Variants in PAX6 observed in about 807,000 individuals in gnomAD.
PAX6 encodes the protein paired box 6, also known as paired box protein Pax-6.
A neutral mutation model predicts 60.7 loss-of-function variants in PAX6; 7 were observed. The observed-to-expected ratio is 0.12, with a 90% CI of 0.07 to 0.22. PAX6 has a LOEUF of 0.22. PAX6 is among the 10% of genes least tolerant of loss of function. The pLI is 1.00. For synonymous variants in PAX6, 208 were observed against 201.2 expected (o/e 1.03, Z -0.29); for missense variants, 355 against 555.2 (o/e 0.64, Z 3.62).
intron 8 of PAX6, among the ~76,000 whole-genome samples, chr11:31,797,983 T>TGAGA (rs10694272): frequency 0.75 from 110,518 of 148,218 alleles, 41,437 homozygotes; most frequent in Middle Eastern, 0.83. Flanking sequence ...TGGAAGGAGG[T>TGAGA]GAGAGAGAGA....
chr11:31,816,819 T>TG (rs1217164041), intron 1 of PAX6, among the ~76,000 whole-genome samples: 2 of 152,106 alleles, frequency 1.3e-5, no homozygotes, highest in Admixed American at 1.3e-4. Context: ...GAGTGGGGGT[T>TG]GGGGGCTAGC....
intron 9 of PAX6, 92 bp downstream of exon 9, chr11:31,794,538 T>C: frequency 7.7e-7 from 1 of 1,290,562 alleles, no homozygotes; most frequent in Non-Finnish European, 1.1e-6. Context: ...CATTCTTCTA[T>C]GCAAAGGGCC....
In PAX6 at chr11:31,793,564, G is replaced by A; in HGVS notation, c.959-11C>T. On this transcript the variant is annotated splice_polypyrimidine_tract_variant and intron_variant, in intron 11 of 13. Transcript: ENST00000640368. ...ATGTGAAGGAGGAAACTGAGGGCAA[G>A]AGAAATGACAGTAGTCAGAGTGAGA... 1 of 1,613,972 alleles carries A rather than the reference G, an allele frequency of 6.2e-7. No homozygotes were observed. Among genetic ancestry groups the A allele is most frequent in the Non-Finnish European group, 8.5e-7 (1 of 1,179,780 alleles).
intron 8 of PAX6, among the ~76,000 whole-genome samples, chr11:31,797,983 TGAGAGAGAGA>T (rs10694272): frequency 6.7e-6 from 1 of 148,192 alleles, no homozygotes; most frequent in Non-Finnish European, 1.5e-5. Context: ...TGGAAGGAGG[TGAGAGAGAGA>T]GAGAGAGAGA....
At chr11:31,799,900 A>G (rs901538477) in intron 8 of PAX6, among the ~76,000 whole-genome samples, 1 of 151,826 alleles carries the variant, frequency 6.6e-6, no homozygotes, top group African/African-American at 2.4e-5. Context: ...TGACCAAGCT[A>G]CCTCGGGGTG....
chr11:31,816,358 GA>G (rs1319908625), intron 1 of PAX6: 1 of 562,656 alleles, frequency 1.8e-6, no homozygotes. Flanking sequence ...CTCCGATCAC[GA>G]AGGGCACGGG....
rs3026375 is a variant in PAX6, at chr11:31,801,547, C to T, written c.399+14G>A. On this transcript the variant is annotated intron_variant, in intron 7 of 13. Coordinates refer to ENST00000640368, the MANE Select transcript of PAX6 (RefSeq NM_001368894.2). Reference sequence around the variant, plus strand: ...GCTTAGGGCAGGGAGGGCAGATGTTCTCAATGAACTTACGCTTGGTATGTT... The same window carrying T: ...GCTTAGGGCAGGGAGGGCAGATGTTTTCAATGAACTTACGCTTGGTATGTT... 1.9e-6 allele frequency: 3 copies of T among 1,614,124 alleles called. No homozygotes were observed. The highest frequency in any genetic ancestry group is 1.7e-6 in the Non-Finnish European group (2 of 1,180,036).
intron 7 of PAX6, chr11:31,801,159 T>A: frequency 8.9e-7 from 1 of 1,127,736 alleles, no homozygotes; most frequent in Non-Finnish European, 1.2e-6. Flanking sequence ...AAATAAAAAC[T>A]ATTTAGACTT....
intron 5 of PAX6, 195 bp downstream of exon 5, chr11:31,802,509 T>C (rs747344918): frequency 8.2e-5 from 46 of 563,004 alleles, no homozygotes; most frequent in Non-Finnish European, 1.4e-4. Context: ...TGACCCAGGT[T>C]GAAAGAGATA....
At chr11:31,813,091 T>C (rs1957199111), upstream of PAX6, 1 of 151,876 alleles carries the variant, frequency 6.6e-6, no homozygotes, top group Non-Finnish European at 1.5e-5. Flanking sequence ...CTCCCCGGGC[T>C]GGGGAGGGCT....
At chr11:31,802,054 T>C (rs1954093863) in intron 5 of PAX6, 142 bp from the exon 6 acceptor site, 1 of 740,770 alleles carries the variant, frequency 1.3e-6, no homozygotes, top group East Asian at 2.7e-5. Context: ...ATTTAAAAGC[T>C]TTTTTTAAAA....
chr11:31,810,493 G>T, intron 2 of PAX6: 1 of 183,888 alleles, frequency 5.4e-6, no homozygotes. Flanking sequence ...ATTGGGCGAC[G>T]CTGGGGCTAG....
chr11:31,794,474 A>G, intron 9 of PAX6, 156 bp downstream of exon 9: 1 of 472,616 alleles, frequency 2.1e-6, no homozygotes, highest in Non-Finnish European at 3.8e-6. Context: ...ACACACACAC[A>G]CACACTGAAA....
chr11:31,812,766 G>A (rs903976940), upstream of PAX6: 4 of 152,570 alleles, frequency 2.6e-5, no homozygotes, highest in East Asian at 5.8e-4. Context: ...AGCTGAGGCA[G>A]GGAGGCTGAA....
chr11:31,789,521 T>C lies in PAX6; in HGVS notation c.*413A>G. 2 of 595,550 alleles carry C rather than the reference T, an allele frequency of 3.4e-6. No individual in the cohort carries two copies. Among genetic ancestry groups the C allele is most frequent in the Non-Finnish European group, 5.9e-6 (2 of 339,304 alleles). 36.9% of individuals were successfully genotyped at this position (595,550 alleles called of 1,614,324 possible). ...AACAGATGGGTAGAAGTATTCGATA[T>C]ATCTTGATAAAACTCTTAAATTCGT... On this transcript the variant is annotated 3_prime_UTR_variant, in exon 14 of 14. Transcript: ENST00000640368.
At chr11:31,793,189 T>A (rs1288358803) in intron 12 of PAX6, 2 of 662,910 alleles carry the variant, frequency 3.0e-6, no homozygotes, top group African/African-American at 1.8e-5. Context: ...GGTAACAGTA[T>A]AATAAAAGGC....
In PAX6 at chr11:31,789,789, G is replaced by T; in HGVS notation, c.*145C>A. The T allele has an allele frequency of 1.3e-6, 1 of 761,750 alleles. No homozygotes were observed. The highest frequency in any genetic ancestry group is 2.3e-6 in the Non-Finnish European group (1 of 430,554). The allele number at this position is 761,750 out of a possible 1,614,324, so 47.2% of individuals were successfully genotyped here. A position where few individuals can be genotyped will look rare whatever the true frequency, so the allele number is the denominator to read the frequency against. On this transcript the variant is annotated 3_prime_UTR_variant, in exon 14 of 14. Transcript: ENST00000640368. ...GTTTCAAGTCCATTCCTTCCCCAGT[G>T]GTACAATACAGGACACAATTGTAGA...
At chr11:31,816,334 C>A in intron 1 of PAX6, 1 of 548,706 alleles carries the variant, frequency 1.8e-6, no homozygotes, top group Admixed American at 3.2e-5. Flanking sequence ...AAAGACAAGC[C>A]TATCACGGGC....
Position 31,793,513 on chromosome 11 carries a change from G to A in PAX6, c.999C>T (p.Asp333=), listed in dbSNP as rs184589894. 2 of 1,614,240 alleles carry A rather than the reference G, an allele frequency of 1.2e-6. No individual in the cohort carries two copies. Among genetic ancestry groups the A allele is most frequent in the East Asian group, 4.5e-5 (2 of 44,886 alleles). The change falls in exon 12 of 14, where the codon GAC becomes GAT. Residue 333 remains aspartate, a synonymous_variant. Coordinates refer to ENST00000640368, the MANE Select transcript of PAX6 (RefSeq NM_001368894.2). Reference sequence around the variant, plus strand: ...CGCTGTAGGTGTTTGTGAGGGCTGTGTCTGTTCGGCCCAACATGGAGCCAG... The same window carrying A: ...CGCTGTAGGTGTTTGTGAGGGCTGTATCTGTTCGGCCCAACATGGAGCCAG... The part of the protein sequence containing the change: ...FTSGSMLGRT[D]TALTNTYSAL...
Sources: gnomAD v4.1 joint callset for allele counts (sites outside exome capture counted in the v4.1 genomes callset) on GRCh38, gnomAD v4.1.1 for gene constraint, MANE v1.5 for transcripts, NCBI Gene and HGNC (gene_info 2026-07-23, HGNC 2026-07-21) for gene names.